IFT80: variants seen among roughly 807,000 people sequenced by gnomAD.
IFT80 encodes the protein intraflagellar transport protein 80 homolog.
In IFT80, 79 loss-of-function variants were observed where a neutral mutation model predicts 107.9. The observed-to-expected ratio is 0.73, with a 90% CI of 0.61 to 0.88. The LOEUF (loss-of-function observed/expected upper bound fraction) is 0.88. Ranked by LOEUF, IFT80 falls within the 40% of genes least tolerant of loss-of-function variation. The pLI is 0.00. For missense variants in IFT80, 797 were observed against 914.2 expected (o/e 0.87, Z 1.65); for synonymous variants, 299 against 300.9 (o/e 0.99, Z 0.07).
At chr3:160,341,360 T>C (rs1366411941) in intron 8 of IFT80, among the ~76,000 whole-genome samples, 1 of 150,470 alleles carries the variant, frequency 6.6e-6, no homozygotes, top group Non-Finnish European at 1.5e-5. Flanking sequence ...AAAAAAAACC[T>C]AAATAATAAT....
intron 9 of IFT80, among the ~76,000 whole-genome samples, chr3:160,317,292 A>T (rs1039470853): frequency 3.1e-4 from 47 of 152,222 alleles, no homozygotes; most frequent in African/African-American, 1.1e-3. Flanking sequence ...AAACCTCTTT[A>T]AAAAAATAAA....
chr3:160,257,993 T>C lies in IFT80; in HGVS notation c.*532A>G, dbSNP rs1359191183. On this transcript the variant is annotated 3_prime_UTR_variant, in exon 20 of 20. Coordinates refer to ENST00000326448, the MANE Select transcript of IFT80 (RefSeq NM_020800.3). The stretch of plus-strand genomic sequence containing the variant: ...GTATTATAGCACATTTGTTTATCCA[T>C]TCATGATAGACACTTGAGCTGTTTC... The C allele has an allele frequency of 1.2e-5, 2 of 165,916 alleles. No individual in the cohort carries two copies. Among genetic ancestry groups the C allele is most frequent in the East Asian group, 1.7e-4 (1 of 5,830 alleles). The allele number at this position is 165,916 out of a possible 1,614,324, so 10.3% of individuals were successfully genotyped here.
At chr3:160,338,871 T>C (rs1397004001) in intron 8 of IFT80, among the ~76,000 whole-genome samples, 2 of 152,206 alleles carry the variant, frequency 1.3e-5, no homozygotes, top group African/African-American at 2.4e-5. Flanking sequence ...TAGAACAATA[T>C]TGGAGAAGAA....
chr3:160,381,326 A>G (rs2108403899), intron 3 of IFT80, among the ~76,000 whole-genome samples, 177 bp downstream of exon 3: 1 of 149,038 alleles, frequency 6.7e-6, no homozygotes. Flanking sequence ...TTCTTCCATG[A>G]CAATAATTTC....
intron 8 of IFT80, among the ~76,000 whole-genome samples, chr3:160,324,201 C>T (rs570746435): frequency 8.5e-5 from 13 of 152,216 alleles, no homozygotes; most frequent in African/African-American, 3.1e-4. Flanking sequence ...ACCAGAGGTA[C>T]AAGGAGGAAC....
rs892811380 is a variant in IFT80, at chr3:160,321,803, T to C, written c.778-1864A>G. ...AAAGGGAGGACTACCAAATTTAAAGTATGGTTTTATTTTTTATTTTTATTT... is the reference window on the plus strand; with the variant it reads ...AAAGGGAGGACTACCAAATTTAAAGCATGGTTTTATTTTTTATTTTTATTT... On this transcript the variant is annotated intron_variant, in intron 8 of 19. Coordinates refer to ENST00000326448, the MANE Select transcript of IFT80 (RefSeq NM_020800.3). 4.6e-5 allele frequency among the ~76,000 whole-genome samples: 7 copies of C among 151,702 alleles called. 1 individual carries two copies. The Middle Eastern group carries it at 9.6e-3, about 207-fold the overall frequency.
At chr3:160,301,086 T>C (rs779914775) in intron 11 of IFT80, 40 bp from the exon 12 acceptor site, 29 of 1,490,836 alleles carry the variant, frequency 1.9e-5, no homozygotes, top group Non-Finnish European at 2.5e-5. Flanking sequence ...CAAACAGGAG[T>C]ATACTTTATT....
At chr3:160,393,291 T>A (rs941828811) in intron 1 of IFT80, among the ~76,000 whole-genome samples, 15 of 152,316 alleles carry the variant, frequency 9.8e-5, no homozygotes, top group South Asian at 8.3e-4. Context: ...AATTAGAAAT[T>A]TAAATGTTCA....
intron 12 of IFT80, among the ~76,000 whole-genome samples, chr3:160,287,116 C>T (rs904974190): frequency 3.3e-5 from 5 of 152,114 alleles, no homozygotes; most frequent in African/African-American, 1.2e-4. Flanking sequence ...CAAAGCTCAG[C>T]GGAGCTTCCT....
In IFT80 at chr3:160,356,099, G is replaced by C; in HGVS notation, c.691C>G (p.Pro231Ala). Residue 231 changes from proline to alanine, a missense_variant, in exon 8 of 20, where the codon CCC becomes GCC. By Grantham distance (27) the Pro-to-Ala change is conservative (BLOSUM62 -1). Coordinates refer to ENST00000326448, the MANE Select transcript of IFT80 (RefSeq NM_020800.3). ...GGAGCCCAGGCAACTGAAGTAATGG[G>C]ATGCTCATGAGGTTGTGAATTGTAC... ...PLYNSQPHEH[P>A]ITSVAWAPDG... The C allele has an allele frequency of 1.2e-6, 2 of 1,614,096 alleles. No homozygotes were observed. Among genetic ancestry groups the C allele is most frequent in the Non-Finnish European group, 1.7e-6 (2 of 1,179,962 alleles).
In IFT80 at chr3:160,280,714, A is replaced by G. The variant is rs1324310066; in HGVS notation, c.1617T>C (p.Tyr539=). 2 of 1,613,064 alleles carry G rather than the reference A, an allele frequency of 1.2e-6. No homozygotes were observed. The highest frequency in any genetic ancestry group is 1.7e-6 in the Non-Finnish European group (2 of 1,179,200). ...FIVWYYPNTV[Y]VDRDILPKTL... ...TTTTAGGCAAAATGTCTCTGTCCAC[A>G]TAAACTGTATTGGGGTAATACCACA... The change falls in exon 15 of 20, where the codon TAT becomes TAC. Residue 539 remains tyrosine (Y), a synonymous_variant. Coordinates refer to ENST00000326448, the MANE Select transcript of IFT80 (RefSeq NM_020800.3).
intron 8 of IFT80, among the ~76,000 whole-genome samples, chr3:160,333,089 G>A (rs1300719390): frequency 1.3e-5 from 2 of 152,058 alleles, no homozygotes; most frequent in Non-Finnish European, 2.9e-5. Context: ...AATACTATAG[G>A]AAACTGTCAC....
At chr3:160,398,071 T>C (rs1165093509) in intron 1 of IFT80, among the ~76,000 whole-genome samples, 8 of 152,234 alleles carry the variant, frequency 5.3e-5, no homozygotes, top group African/African-American at 1.9e-4. Flanking sequence ...CTTGGTATGC[T>C]TACCAGCCAA....
At chr3:160,292,538 G>A (rs1283462408) in intron 12 of IFT80, among the ~76,000 whole-genome samples, 2 of 147,502 alleles carry the variant, frequency 1.4e-5, no homozygotes, top group Admixed American at 1.4e-4. Context: ...GGAGTGCAGT[G>A]GCGCGATCTC....
At chr3:160,395,992 A>G (rs1713746934) in intron 1 of IFT80, among the ~76,000 whole-genome samples, 1 of 152,068 alleles carries the variant, frequency 6.6e-6, no homozygotes, top group South Asian at 2.1e-4. Context: ...TTACAATCTT[A>G]AAAACCTAAC....
chr3:160,389,906 A>G (rs1713234388), intron 1 of IFT80, among the ~76,000 whole-genome samples: 1 of 152,172 alleles, frequency 6.6e-6, no homozygotes, highest in African/African-American at 2.4e-5. Context: ...GAATCGCCAC[A>G]CTGACTTCCA....
chr3:160,377,542 T>A lies in IFT80; in HGVS notation c.260-2A>T, dbSNP rs1384912323. On this transcript the variant is annotated splice_acceptor_variant, in intron 3 of 19. Transcript: ENST00000326448. LOFTEE classifies it high-confidence loss of function. ...ACTTGGAAATCAGATGAAATTTACC[T>A]GAAAGAAATTACATTTGAAAAATCT... 6.5e-7 allele frequency: 1 copy of A among 1,528,550 alleles called. No individual in the cohort carries two copies. The highest frequency in any genetic ancestry group is 9.1e-7 in the Non-Finnish European group (1 of 1,103,150). The allele number at this position is 1,528,550 out of a possible 1,614,324, so 94.7% of individuals were successfully genotyped here. A position where few individuals can be genotyped will look rare whatever the true frequency, so the allele number is the denominator to read the frequency against.
chr3:160,367,659 T>A (rs1223567223), intron 5 of IFT80, among the ~76,000 whole-genome samples: 2 of 152,120 alleles, frequency 1.3e-5, no homozygotes, highest in Admixed American at 6.6e-5. Context: ...AAGTACAAGT[T>A]TGATTTACCT....
At chr3:160,374,493 A>T (rs1459283587) in intron 5 of IFT80, among the ~76,000 whole-genome samples, 1 of 152,152 alleles carries the variant, frequency 6.6e-6, no homozygotes, top group Non-Finnish European at 1.5e-5. Flanking sequence ...TTCTCTGAAG[A>T]TCTGTGTCAT....
Sources: allele counts gnomAD v4.1 joint callset (sites outside exome capture counted in the v4.1 genomes callset), GRCh38; gene constraint gnomAD v4.1.1; transcripts MANE v1.5; gene names NCBI Gene and HGNC (gene_info 2026-07-23, HGNC 2026-07-21).